ITGA8: variants seen among roughly 807,000 people sequenced by gnomAD.
ITGA8 encodes the protein integrin subunit alpha 8.
In ITGA8, 91 loss-of-function variants were observed where a neutral mutation model predicts 142.3. The ratio of observed to expected loss-of-function variants is 0.64; its 90% CI spans 0.54 to 0.76. ITGA8 has a LOEUF of 0.76. Among genes scored for constraint, ITGA8 ranks in the 30% least tolerant of loss-of-function variants. The probability of loss-of-function intolerance (pLI) is 0.00; values close to 1 mark genes in which losing one functional copy is unlikely to be tolerated. For missense variants in ITGA8, 1,406 were observed against 1,327.7 expected, an observed-to-expected ratio of 1.06 and a Z score of -0.92; for synonymous variants, 505 against 485.2, an observed-to-expected ratio of 1.04 and a Z score of -0.54.
chr10:15,690,477 T>G (rs932196490), intron 2 of ITGA8, among the ~76,000 whole-genome samples: 1 of 152,080 alleles, frequency 6.6e-6, no homozygotes, highest in Non-Finnish European at 1.5e-5. Context: ...CTTGGCTTGG[T>G]GGGAGAGCTG....
intron 4 of ITGA8, among the ~76,000 whole-genome samples, chr10:15,679,445 G>C (rs1246705250): frequency 6.6e-6 from 1 of 152,102 alleles, no homozygotes; most frequent in African/African-American, 2.4e-5. Context: ...AGCTGGGCAT[G>C]GTGGTGCATG....
intron 21 of ITGA8, among the ~76,000 whole-genome samples, chr10:15,596,073 T>C (rs1050256224): frequency 6.6e-6 from 1 of 152,064 alleles, no homozygotes; most frequent in Admixed American, 6.6e-5. Flanking sequence ...AAATAGGCGG[T>C]TGGATTTTTC....
intron 2 of ITGA8, among the ~76,000 whole-genome samples, chr10:15,702,567 A>G (rs879405727): frequency 6.6e-6 from 1 of 152,166 alleles, no homozygotes; most frequent in Non-Finnish European, 1.5e-5. Flanking sequence ...CTGGGATTAT[A>G]GGCGTGAGCC....
At chr10:15,545,053 C>T (rs1833642625) in intron 27 of ITGA8, among the ~76,000 whole-genome samples, 1 of 152,178 alleles carries the variant, frequency 6.6e-6, no homozygotes, top group African/African-American at 2.4e-5. Context: ...CCCAGCTAAA[C>T]CATAGCCAGA....
intron 2 of ITGA8, among the ~76,000 whole-genome samples, chr10:15,704,179 G>A (rs556772151): frequency 1.3e-5 from 2 of 152,164 alleles, no homozygotes; most frequent in East Asian, 3.9e-4. Context: ...TTCCATCCCT[G>A]TTGCCACTTC....
At chr10:15,629,071 A>G (rs1299584067) in intron 13 of ITGA8, among the ~76,000 whole-genome samples, 1 of 151,834 alleles carries the variant, frequency 6.6e-6, no homozygotes, top group Non-Finnish European at 1.5e-5. Flanking sequence ...CGCTTTTTCC[A>G]TCACACTGCC....
At chr10:15,526,529 A>C (rs1039478733) in intron 28 of ITGA8, among the ~76,000 whole-genome samples, 17 of 152,186 alleles carry the variant, frequency 1.1e-4, no homozygotes, top group African/African-American at 4.1e-4. Context: ...GACAAAGCAT[A>C]TTTAGGACTA....
At chr10:15,705,413 T>A (rs902763879) in intron 2 of ITGA8, among the ~76,000 whole-genome samples, 7 of 152,182 alleles carry the variant, frequency 4.6e-5, no homozygotes, top group Admixed American at 1.3e-4. Flanking sequence ...CTCAGTTGTT[T>A]CCTGACTCTG....
chr10:15,714,148 T>C (rs1179637951), intron 2 of ITGA8, among the ~76,000 whole-genome samples: 1 of 152,216 alleles, frequency 6.6e-6, no homozygotes, highest in East Asian at 1.9e-4. Context: ...CAAATACTTG[T>C]ATGCTATACT....
chr10:15,673,498 T>C (rs772241019), intron 6 of ITGA8, among the ~76,000 whole-genome samples: 1 of 152,212 alleles, frequency 6.6e-6, no homozygotes, highest in Non-Finnish European at 1.5e-5. Context: ...CAGTGCATTC[T>C]CTAAGGTCAT....
chr10:15,551,516 T>C (rs1833792799), intron 26 of ITGA8, among the ~76,000 whole-genome samples: 1 of 151,672 alleles, frequency 6.6e-6, no homozygotes, highest in African/African-American at 2.4e-5. Flanking sequence ...ACAGGAAAGT[T>C]TGGAGAGGAG....
At chr10:15,633,208 C>A (rs537989276) in intron 13 of ITGA8, among the ~76,000 whole-genome samples, 2 of 152,236 alleles carry the variant, frequency 1.3e-5, no homozygotes, top group South Asian at 4.2e-4. Flanking sequence ...ATGTATGCTT[C>A]CATCATTTTG....
At chr10:15,710,753 C>T (rs1277995797) in intron 2 of ITGA8, among the ~76,000 whole-genome samples, 2 of 152,144 alleles carry the variant, frequency 1.3e-5, no homozygotes, top group Non-Finnish European at 2.9e-5. Context: ...ACTGAGACAA[C>T]TGGAATAGAA....
intron 10 of ITGA8, 151 bp downstream of exon 10, chr10:15,658,848 G>T (rs1303135786): frequency 3.4e-6 from 2 of 584,626 alleles, no homozygotes; most frequent in Non-Finnish European, 6.0e-6. Context: ...TCTGTCTGAT[G>T]CATGATTGCA....
At chr10:15,536,800 T>C (rs1009351352) in intron 27 of ITGA8, among the ~76,000 whole-genome samples, 1 of 152,186 alleles carries the variant, frequency 6.6e-6, no homozygotes, top group African/African-American at 2.4e-5. Flanking sequence ...ATGATTTGCT[T>C]ATAGGCATGG....
chr10:15,522,117 C>T (rs1172313238), intron 28 of ITGA8, among the ~76,000 whole-genome samples: 5 of 152,230 alleles, frequency 3.3e-5, no homozygotes, highest in Middle Eastern at 6.8e-3. Context: ...CACAAAGCAA[C>T]GATAAATGTT....
At chr10:15,628,973 G>C (rs1038635421) in intron 13 of ITGA8, among the ~76,000 whole-genome samples, 1 of 151,902 alleles carries the variant, frequency 6.6e-6, no homozygotes, top group African/African-American at 2.4e-5. Flanking sequence ...TTCTTTTGTG[G>C]CTGGATAGGC....
intron 2 of ITGA8, among the ~76,000 whole-genome samples, chr10:15,710,306 A>C (rs770120958): frequency 9.5e-4 from 144 of 152,172 alleles, no homozygotes; most frequent in Admixed American, 3.4e-3. Context: ...TTCTTTGTAG[A>C]CTTCATTTTT....
chr10:15,521,933 GT>G (rs1833080304), intron 28 of ITGA8, among the ~76,000 whole-genome samples: 1 of 152,180 alleles, frequency 6.6e-6, no homozygotes, highest in African/African-American at 2.4e-5. Context: ...TAGAATGATG[GT>G]TACCAGAAGC....
Sources: gnomAD v4.1 joint callset for allele counts (sites outside exome capture counted in the v4.1 genomes callset) on GRCh38, gnomAD v4.1.1 for gene constraint, MANE v1.5 for transcripts, NCBI Gene and HGNC (gene_info 2026-07-23, HGNC 2026-07-21) for gene names.